IRS1: variants seen among roughly 807,000 people sequenced by gnomAD.
IRS1 encodes the protein insulin receptor substrate 1.
A neutral mutation model predicts 65.6 loss-of-function variants in IRS1; 34 were observed. That is an observed-to-expected ratio of 0.52 (90% confidence interval 0.39 to 0.69). IRS1 has a LOEUF of 0.69. IRS1 is among the 30% of genes least tolerant of loss of function. IRS1 has a pLI of 0.00. For synonymous variants in IRS1, 699 were observed against 683.5 expected (o/e 1.02, Z -0.35); for missense variants, 1,641 against 1,720.2 (o/e 0.95, Z 0.81).
intron 1 of IRS1, among the ~76,000 whole-genome samples, chr2:226,752,343 C>T (rs912165897): frequency 2.6e-5 from 4 of 152,188 alleles, no homozygotes; most frequent in Non-Finnish European, 5.9e-5. Context: ...AACTGGTCCC[C>T]AATTCCTATA....
In IRS1 at chr2:226,795,094, C is replaced by T. The variant is rs537194227; in HGVS notation, c.3645G>A (p.Glu1215=). The T allele has an allele frequency of 1.2e-6, 2 of 1,601,606 alleles. No individual in the cohort carries two copies. Among genetic ancestry groups the T allele is most frequent in the Admixed American group, 3.4e-5 (2 of 59,282 alleles). Residue 1215 remains glutamate, a synonymous_variant, in exon 1 of 2, where the codon GAG becomes GAA. Transcript: ENST00000305123. ...PPPHQPLGSG[E]SSSTRRSSED... is the part of the protein sequence containing the mutation. ...CACTTGAGCGGCGGGTGGAGCTGCT[C>T]TCACCGCTGCCCAGGGGTTGATGAG...
Position 226,798,044 on chromosome 2 carries a change from C to T in IRS1, c.695G>A (p.Gly232Glu). ...FIEVGRSAVTGPGEFWMQVDD... is the reference protein window; with the variant it reads ...FIEVGRSAVTEPGEFWMQVDD... ...CACCTGCATCCAGAACTCCCCGGGC[C>T]CCGTCACGGCAGAACGGCCCACCTC... The change falls in exon 1 of 2, where the codon GGG becomes GAG. Residue 232 changes from glycine to glutamate, a missense_variant. By Grantham distance (98) the Gly-to-Glu change is moderately conservative. Around this residue, in one of 3 missense-constraint regions of IRS1, gnomAD observed 77 missense variants for 129.6 expected, o/e 0.59. Coordinates refer to ENST00000305123, the MANE Select transcript of IRS1 (RefSeq NM_005544.3). The surrounding 1 kb of genome is among the most constrained non-coding windows in gnomAD (Gnocchi z 9.4). The T allele has an allele frequency of 6.2e-7, 1 of 1,614,108 alleles. No individual in the cohort carries two copies. The highest frequency in any genetic ancestry group is 8.5e-7 in the Non-Finnish European group (1 of 1,180,020).
chr2:226,790,937 GA>G (rs1939580888), intron 1 of IRS1, among the ~76,000 whole-genome samples: 1 of 152,124 alleles, frequency 6.6e-6, no homozygotes, highest in South Asian at 2.1e-4. Context: ...ATGGAAAAAT[GA>G]ATCTGTGTCT....
Position 226,795,358 on chromosome 2 carries a change from GC to G in IRS1, c.3380del (p.Gly1127AlafsTer12), listed in dbSNP as rs1462380251. On this transcript the variant is annotated frameshift_variant, in exon 1 of 2. Coordinates refer to ENST00000305123, the MANE Select transcript of IRS1 (RefSeq NM_005544.3). LOFTEE classifies it high-confidence loss of function. ...CGCTGCTGCTGCTGCTACCGCCACC[GC>G]CCCCTACTGCTGCCCCCGCTCCAAA... ...VPFGAGAAVG[G>X]GGGSSSSSED... The G allele has an allele frequency of 6.2e-7, 1 of 1,612,910 alleles. No homozygotes were observed. Among genetic ancestry groups the G allele is most frequent in the Non-Finnish European group, 8.5e-7 (1 of 1,179,924 alleles).
In IRS1 at chr2:226,733,150, A is replaced by C. The variant is rs1340601184; in HGVS notation, c.*3122T>G. ...TATTCAAGATGCAAGATTGAATAAAACAGGGCTTCAGTATTGTAAAATACT... is the reference window on the plus strand; with the variant it reads ...TATTCAAGATGCAAGATTGAATAAACCAGGGCTTCAGTATTGTAAAATACT... On this transcript the variant is annotated 3_prime_UTR_variant, in exon 2 of 2. Transcript: ENST00000305123. 6.6e-6 allele frequency: 1 copy of C among 152,244 alleles called. No homozygotes were observed. The highest frequency in any genetic ancestry group is 2.4e-5 in the African/African-American group (1 of 41,466). The allele number at this position is 152,244 out of a possible 1,614,324, so 9.4% of individuals were successfully genotyped here.
intron 1 of IRS1, among the ~76,000 whole-genome samples, chr2:226,740,400 A>G (rs1172703034): frequency 2.0e-5 from 3 of 152,214 alleles, no homozygotes; most frequent in Admixed American, 6.5e-5. Flanking sequence ...CTTGACACCT[A>G]TGGATTATTG....
At chr2:226,771,835 A>G (rs1343189874) in intron 1 of IRS1, among the ~76,000 whole-genome samples, 1 of 152,154 alleles carries the variant, frequency 6.6e-6, no homozygotes, top group Non-Finnish European at 1.5e-5. Context: ...ATATAATTAA[A>G]TCCACAGGAA....
chr2:226,770,026 G>T (rs56115725), intron 1 of IRS1, among the ~76,000 whole-genome samples: 13,331 of 152,090 alleles, frequency 0.088, 1,075 homozygotes, highest in African/African-American at 0.22. Flanking sequence ...AAAAAGAGCA[G>T]TAATAAAGTC....
chr2:226,791,171 C>T lies in IRS1; in HGVS notation c.*21+3818G>A, dbSNP rs2288585. The stretch of plus-strand genomic sequence containing the variant: ...CTTTCAAGCCAAAGGAATTCCCCCT[C>T]CCCCCATGACCCAAAACGATGGCAT... On this transcript the variant is annotated intron_variant, in intron 1 of 1. Transcript: ENST00000305123. Among the ~76,000 whole-genome samples the T allele has an allele frequency of 7.6e-4, 115 of 152,228 alleles. No homozygotes were observed. In the East Asian group the frequency reaches 0.012, roughly 16 times the overall value.
In IRS1 at chr2:226,732,468, C is replaced by CTATATATATATA. The variant is rs34148710; in HGVS notation, c.*3792_*3803dup. ...TCAAGTTTCTCACAAGCCTATACAT[C>CTATATATATATA]TATATATATATATATATATATATAC... On this transcript the variant is annotated 3_prime_UTR_variant, in exon 2 of 2. Coordinates refer to ENST00000305123, the MANE Select transcript of IRS1 (RefSeq NM_005544.3). The CTATATATATATA allele has an allele frequency of 4.6e-3, 610 of 133,182 alleles. 3 individuals are homozygous for CTATATATATATA. Among genetic ancestry groups the CTATATATATATA allele is most frequent in the African/African-American group, 0.016 (578 of 36,788 alleles). 8.3% of individuals were successfully genotyped at this position (133,182 alleles called of 1,614,324 possible).
chr2:226,798,088 C>A lies in IRS1; in HGVS notation c.651G>T (p.Ser217=). 9 of 1,614,010 alleles carry A rather than the reference C, an allele frequency of 5.6e-6. No homozygotes were observed. The highest frequency in any genetic ancestry group is 7.6e-6 in the Non-Finnish European group (9 of 1,180,006). ...CCACCTCGATGAAGAAGAAGTTTTC[C>A]GAGTGGCCACAGCGCCTGATGTTCA... The part of the protein sequence containing the change: ...QLMNIRRCGH[S]ENFFFIEVGR... The change falls in exon 1 of 2, where the codon TCG becomes TCT. Residue 217 remains serine, a synonymous_variant. Coordinates refer to ENST00000305123, the MANE Select transcript of IRS1 (RefSeq NM_005544.3). The surrounding 1 kb of genome is among the most constrained non-coding windows in gnomAD (Gnocchi z 9.4).
chr2:226,756,281 C>T (rs777781134), intron 1 of IRS1, among the ~76,000 whole-genome samples: 4 of 152,176 alleles, frequency 2.6e-5, no homozygotes, highest in South Asian at 2.1e-4. Flanking sequence ...AATCTGGTAT[C>T]GCTGACCTCA....
chr2:226,752,972 C>T (rs57500189), intron 1 of IRS1, among the ~76,000 whole-genome samples: 13,860 of 152,152 alleles, frequency 0.091, 1,211 homozygotes, highest in African/African-American at 0.23. Flanking sequence ...CTGTAAAGCA[C>T]GTGGCACAGA....
chr2:226,743,459 A>G (rs754660220), intron 1 of IRS1, among the ~76,000 whole-genome samples: 33 of 152,066 alleles, frequency 2.2e-4, no homozygotes, highest in Non-Finnish European at 4.1e-4. Context: ...CGAACTCCCA[A>G]CCTCAGGTGA....
At chr2:226,773,936 T>C (rs1282650804) in intron 1 of IRS1, among the ~76,000 whole-genome samples, 1 of 152,198 alleles carries the variant, frequency 6.6e-6, no homozygotes, top group African/African-American at 2.4e-5. Context: ...TTTTAGCTAA[T>C]TGGATAGTAG....
In IRS1 at chr2:226,736,156, A is replaced by C. The variant is rs1938319865; in HGVS notation, c.*116T>G. On this transcript the variant is annotated 3_prime_UTR_variant, in exon 2 of 2. Transcript: ENST00000305123. ...TGCATCGTACCATCTACTGATGAGGAAGATATGAGGTCCTAGTTGTGAATC... is the reference window on the plus strand; with the variant it reads ...TGCATCGTACCATCTACTGATGAGGCAGATATGAGGTCCTAGTTGTGAATC... 6.6e-6 allele frequency: 1 copy of C among 152,556 alleles called. No individual in the cohort carries two copies. The highest frequency in any genetic ancestry group is 1.5e-5 in the Non-Finnish European group (1 of 68,020). 9.5% of individuals were successfully genotyped at this position (152,556 alleles called of 1,614,324 possible). A position where few individuals can be genotyped will look rare whatever the true frequency, so the allele number is the denominator to read the frequency against.
At chr2:226,739,655 G>C (rs894759673) in intron 1 of IRS1, among the ~76,000 whole-genome samples, 1 of 152,154 alleles carries the variant, frequency 6.6e-6, no homozygotes, top group Non-Finnish European at 1.5e-5. Flanking sequence ...TTGCTCTGAT[G>C]AGTTTGTTGG....
intron 1 of IRS1, among the ~76,000 whole-genome samples, chr2:226,765,735 T>G (rs1939018460): frequency 6.6e-6 from 1 of 152,108 alleles, no homozygotes; most frequent in Admixed American, 6.5e-5. Context: ...CCTCTGCCAC[T>G]TCCGTAAAAG....
chr2:226,766,443 G>A (rs904968383), intron 1 of IRS1, among the ~76,000 whole-genome samples: 12 of 151,414 alleles, frequency 7.9e-5, no homozygotes, highest in East Asian at 2.0e-4. Flanking sequence ...GGATGACAGC[G>A]TGAGCCACCA....
Sources: gnomAD v4.1 joint callset for allele counts (sites outside exome capture counted in the v4.1 genomes callset) on GRCh38, gnomAD v4.1.1 for gene constraint, gnomAD v4.1.1 regional missense constraint, Gnocchi (gnomAD v3.1) non-coding constraint, MANE v1.5 for transcripts, NCBI Gene and HGNC (gene_info 2026-07-23, HGNC 2026-07-21) for gene names.